Variants in ADAMTS18 observed in about 807,000 individuals in gnomAD.
ADAMTS18 encodes the protein ADAM metallopeptidase with thrombospondin type 1 motif 18, also known as A disintegrin and metalloproteinase with thrombospondin motifs 18.
Under a neutral mutation model 165.9 loss-of-function variants are expected in ADAMTS18, and 157 were observed. The ratio of observed to expected loss-of-function variants is 0.95; its 90% CI spans 0.83 to 1.08. The LOEUF (loss-of-function observed/expected upper bound fraction) is 1.08. Ranked by LOEUF, ADAMTS18 falls within the 50% of genes least tolerant of loss-of-function variation. ADAMTS18 has a pLI of 0.00. For synonymous variants in ADAMTS18, 782 were observed against 578.2 expected, an observed-to-expected ratio of 1.35 and a Z score of -5.06; for missense variants, 2,040 against 1,534.0, an observed-to-expected ratio of 1.33 and a Z score of -5.51.
chr16:77,405,493 T>G (rs546136300), intron 3 of ADAMTS18, among the ~76,000 whole-genome samples: 37 of 152,314 alleles, frequency 2.4e-4, no homozygotes, highest in African/African-American at 8.4e-4. Context: ...TCCCTTCCTG[T>G]GTGTTCTTAA....
chr16:77,370,887 A>G (rs905218150), intron 3 of ADAMTS18, among the ~76,000 whole-genome samples: 2 of 152,180 alleles, frequency 1.3e-5, no homozygotes, highest in African/African-American at 4.8e-5. Flanking sequence ...CTGATGAAAC[A>G]AATTGAAGAG....
intron 8 of ADAMTS18, among the ~76,000 whole-genome samples, chr16:77,358,333 T>C (rs2056661769): frequency 6.6e-6 from 1 of 152,134 alleles, no homozygotes; most frequent in South Asian, 2.1e-4. Flanking sequence ...CTCAGCACTT[T>C]GGGAAACCGA....
intron 10 of ADAMTS18, among the ~76,000 whole-genome samples, chr16:77,342,830 A>C (rs905309122): frequency 6.6e-6 from 1 of 152,182 alleles, no homozygotes; most frequent in Non-Finnish European, 1.5e-5. Context: ...AGACTGTCCT[A>C]AATTTTCCAG....
At chr16:77,290,980 T>C (rs1337433780) in intron 21 of ADAMTS18, 3 of 478,936 alleles carry the variant, frequency 6.3e-6, no homozygotes, top group East Asian at 8.1e-5. Context: ...ATGACCAACA[T>C]TAGCAGTGTA....
intron 16 of ADAMTS18, among the ~76,000 whole-genome samples, chr16:77,305,187 T>C (rs2055660212): frequency 6.6e-6 from 1 of 152,218 alleles, no homozygotes; most frequent in Non-Finnish European, 1.5e-5. Flanking sequence ...ATAAGTAAGA[T>C]GCTCTTTGCC....
intron 3 of ADAMTS18, among the ~76,000 whole-genome samples, chr16:77,423,395 A>G (rs992886328): frequency 6.6e-6 from 1 of 152,160 alleles, no homozygotes; most frequent in African/African-American, 2.4e-5. Context: ...TTAGTACTAT[A>G]TCATTATCAC....
chr16:77,433,539 A>G (rs984010650), intron 2 of ADAMTS18: 1 of 152,288 alleles, frequency 6.6e-6, no homozygotes, highest in Admixed American at 6.5e-5. Flanking sequence ...TGATCCTGAT[A>G]TAAGAATGAG....
intron 10 of ADAMTS18, among the ~76,000 whole-genome samples, chr16:77,350,386 G>A (rs111703104): frequency 3.9e-5 from 6 of 152,216 alleles, no homozygotes; most frequent in African/African-American, 1.4e-4. Flanking sequence ...CAAATGTGAT[G>A]GTGGTGATGA....
At position 77,334,223 on chromosome 16, in the gene ADAMTS18, TTATA is replaced by T. The variant is rs1167092852; in HGVS notation, c.1859+1529_1859+1532del. Among the ~76,000 whole-genome samples, 9 of 79,968 alleles carry T rather than the reference TTATA, an allele frequency of 1.1e-4. 1 individual carries two copies. The highest frequency in any genetic ancestry group is 4.7e-4 in the African/African-American group (9 of 19,172). The allele number at this position is 79,968 out of a possible 152,430, so 52.5% of individuals were successfully genotyped here. Reference sequence around the variant, plus strand: ...TACATATAATATACAGTGTTATATATTATATATAATATATAGTGTTATATATTAC... The same window carrying T: ...TACATATAATATACAGTGTTATATATTATAATATATAGTGTTATATATTAC... On this transcript the variant is annotated intron_variant, in intron 12 of 22. Coordinates refer to ENST00000282849, the MANE Select transcript of ADAMTS18 (RefSeq NM_199355.4).
At chr16:77,400,037 T>C (rs925671287) in intron 3 of ADAMTS18, among the ~76,000 whole-genome samples, 1 of 152,150 alleles carries the variant, frequency 6.6e-6, no homozygotes, top group African/African-American at 2.4e-5. Context: ...GTGGCACTGG[T>C]TAATCAACGC....
At chr16:77,389,431 C>T (rs1027806214) in intron 3 of ADAMTS18, among the ~76,000 whole-genome samples, 18 of 152,130 alleles carry the variant, frequency 1.2e-4, no homozygotes, top group African/African-American at 3.4e-4. Flanking sequence ...CATGGTGTTA[C>T]GGAAAACTCC....
intron 3 of ADAMTS18, among the ~76,000 whole-genome samples, chr16:77,392,506 G>A (rs532660903): frequency 5.7e-4 from 86 of 152,198 alleles, no homozygotes; most frequent in Admixed American, 3.5e-3. Context: ...TGAACACCCT[G>A]TATGAAATCT....
intron 3 of ADAMTS18, among the ~76,000 whole-genome samples, chr16:77,407,521 C>G (rs531894429): frequency 6.6e-6 from 1 of 152,196 alleles, no homozygotes; most frequent in Middle Eastern, 3.4e-3. Flanking sequence ...AGATGAGGGA[C>G]TTATACTCCT....
At chr16:77,313,171 A>G (rs1474117181) in intron 16 of ADAMTS18, among the ~76,000 whole-genome samples, 2 of 152,142 alleles carry the variant, frequency 1.3e-5, no homozygotes, top group Non-Finnish European at 2.9e-5. Flanking sequence ...GGAAACCATC[A>G]TTCTCAGCAA....
intron 3 of ADAMTS18, among the ~76,000 whole-genome samples, chr16:77,426,889 CTG>C (rs1400132538): frequency 6.6e-6 from 1 of 152,138 alleles, no homozygotes; most frequent in Non-Finnish European, 1.5e-5. Context: ...TGGTACGTGC[CTG>C]TAGTCCCAGC....
chr16:77,284,491 C>T (rs1207284394), intron 22 of ADAMTS18, among the ~76,000 whole-genome samples: 1 of 151,996 alleles, frequency 6.6e-6, no homozygotes, highest in East Asian at 1.9e-4. Context: ...AAGGTGAGGG[C>T]CTACAGAACA....
intron 16 of ADAMTS18, among the ~76,000 whole-genome samples, chr16:77,301,476 T>C (rs1398554348): frequency 1.3e-5 from 2 of 152,242 alleles, no homozygotes; most frequent in African/African-American, 2.4e-5. Context: ...TTTTCCAAGC[T>C]GAAAGCATGA....
chr16:77,285,433 A>G (rs1399581655), intron 22 of ADAMTS18, among the ~76,000 whole-genome samples: 2 of 150,748 alleles, frequency 1.3e-5, no homozygotes, highest in Non-Finnish European at 2.9e-5. Context: ...TCAGCCTCCC[A>G]AAGTGCTGGA....
chr16:77,334,840 C>T (rs1424790087), intron 12 of ADAMTS18, among the ~76,000 whole-genome samples: 1 of 122,086 alleles, frequency 8.2e-6, no homozygotes, highest in African/African-American at 3.2e-5. Flanking sequence ...CTATAGTATA[C>T]AGTATATATA....
Sources: allele counts gnomAD v4.1 joint callset (sites outside exome capture counted in the v4.1 genomes callset), GRCh38; gene constraint gnomAD v4.1.1; transcripts MANE v1.5; gene names NCBI Gene and HGNC (gene_info 2026-07-23, HGNC 2026-07-21).